Variants in BNC2 observed in about 807,000 individuals in gnomAD.
BNC2 encodes basonuclin zinc finger protein 2, also known as zinc finger protein basonuclin-2.
In BNC2, 20 loss-of-function variants were observed where a neutral mutation model predicts 76.3. That is an observed-to-expected ratio of 0.26 (90% CI 0.18 to 0.38). BNC2 has a LOEUF of 0.38. Among genes scored for constraint, BNC2 ranks in the 10% least tolerant of loss-of-function variants. BNC2 has a pLI of 1.00. For synonymous variants in BNC2, 582 were observed against 514.8 expected (o/e 1.13, Z -1.77); for missense variants, 1,382 against 1,399.8 (o/e 0.99, Z 0.20).
intron 1 of BNC2, among the ~76,000 whole-genome samples, chr9:16,843,157 T>C (rs368988622): frequency 3.9e-5 from 6 of 152,184 alleles, no homozygotes; most frequent in Admixed American, 1.3e-4. Context: ...GATGGAGAGA[T>C]AGATGAATTT....
intron 1 of BNC2, among the ~76,000 whole-genome samples, chr9:16,822,374 G>A (rs1406934470): frequency 6.6e-6 from 1 of 152,084 alleles, no homozygotes; most frequent in Non-Finnish European, 1.5e-5. Flanking sequence ...CAGAAGTTAA[G>A]AGACTTGCCC....
intron 5 of BNC2, among the ~76,000 whole-genome samples, chr9:16,510,193 C>T (rs1822720663): frequency 6.6e-6 from 1 of 152,310 alleles, no homozygotes; most frequent in South Asian, 2.1e-4. Context: ...CCTCAGTGCC[C>T]ACTGTTCTTT....
chr9:16,754,740 T>C (rs1825330338), intron 1 of BNC2, among the ~76,000 whole-genome samples: 1 of 152,066 alleles, frequency 6.6e-6, no homozygotes, highest in African/African-American at 2.4e-5. Context: ...GTAATTTCAG[T>C]AGAGATGGGG....
At chr9:16,765,887 C>T (rs914190477) in intron 1 of BNC2, among the ~76,000 whole-genome samples, 7 of 151,720 alleles carry the variant, frequency 4.6e-5, no homozygotes, top group African/African-American at 4.8e-5. Flanking sequence ...CCCGGGTTCA[C>T]GCCATTCTCC....
intron 3 of BNC2, among the ~76,000 whole-genome samples, chr9:16,694,649 C>T (rs565544526): frequency 2.6e-5 from 4 of 152,154 alleles, no homozygotes; most frequent in East Asian, 3.9e-4. Context: ...TGAATCAACA[C>T]GGTTTTCTTT....
In BNC2 at chr9:16,446,145, C is replaced by T. The variant is rs181868356; in HGVS notation, c.670-8621G>A. ...TACTCATTACACACATGTGCATGTA[C>T]ACAAACACACACAGGAATACAGAAA... On this transcript the variant is annotated intron_variant, in intron 5 of 6. Coordinates refer to ENST00000380672, the MANE Select transcript of BNC2 (RefSeq NM_017637.6). Among the ~76,000 whole-genome samples, 731 of 152,248 alleles carry T rather than the reference C, an allele frequency of 4.8e-3. 6 individuals carry two copies. Among genetic ancestry groups the T allele is most frequent in the African/African-American group, 0.017 (695 of 41,560 alleles).
intron 3 of BNC2, among the ~76,000 whole-genome samples, chr9:16,708,721 G>C (rs539392313): frequency 6.6e-6 from 1 of 152,090 alleles, no homozygotes. Context: ...AGTCAGTAGG[G>C]AAAGGGAGAG....
intron 1 of BNC2, among the ~76,000 whole-genome samples, chr9:16,867,127 AAAC>A (rs959212612): frequency 1.3e-5 from 2 of 152,196 alleles, no homozygotes; most frequent in African/African-American, 2.4e-5. Context: ...TAATGTCAAA[AAAC>A]AACAACATGT....
At chr9:16,507,640 G>C (rs1822660269) in intron 5 of BNC2, among the ~76,000 whole-genome samples, 1 of 152,142 alleles carries the variant, frequency 6.6e-6, no homozygotes, top group Non-Finnish European at 1.5e-5. Flanking sequence ...TGTTGGCCAG[G>C]TTGGTCTTGA....
intron 3 of BNC2, among the ~76,000 whole-genome samples, chr9:16,667,042 T>C (rs886141247): frequency 1.3e-5 from 2 of 151,546 alleles, no homozygotes; most frequent in African/African-American, 4.9e-5. Context: ...AAAAGCTAAA[T>C]ACTAATTTCA....
rs3055158 is a variant in BNC2, at chr9:16,451,062, A to T, written c.670-13538T>A. Among the ~76,000 whole-genome samples the T allele has an allele frequency of 7.8e-3, 261 of 33,610 alleles. No individual in the cohort carries two copies. In the African/African-American group the frequency reaches 0.094, roughly 12 times the overall value. The allele number at this position is 33,610 out of a possible 152,430, so 22.0% of individuals were successfully genotyped here. A position where few individuals can be genotyped will look rare whatever the true frequency, so the allele number is the denominator to read the frequency against. On this transcript the variant is annotated intron_variant, in intron 5 of 6. Coordinates refer to ENST00000380672, the MANE Select transcript of BNC2 (RefSeq NM_017637.6). ...AGTAAAGTGAATTTCTAAATCATTAACTTTATCTTTTAAGGCTGGATTTCG... is the reference window on the plus strand; with the variant it reads ...AGTAAAGTGAATTTCTAAATCATTATCTTTATCTTTTAAGGCTGGATTTCG...
At chr9:16,601,499 G>A (rs1027298208) in intron 3 of BNC2, among the ~76,000 whole-genome samples, 9 of 152,202 alleles carry the variant, frequency 5.9e-5, no homozygotes, top group African/African-American at 1.9e-4. Context: ...TGCAAGAGAA[G>A]TAAGCAGTTT....
intron 3 of BNC2, among the ~76,000 whole-genome samples, chr9:16,618,451 C>T (rs759220880): frequency 5.3e-5 from 8 of 152,124 alleles, no homozygotes; most frequent in Non-Finnish European, 8.8e-5. Flanking sequence ...TCGAGCATGG[C>T]CACGGACTAG....
At chr9:16,591,515 A>C (rs777089130) in intron 3 of BNC2, among the ~76,000 whole-genome samples, 16 of 152,226 alleles carry the variant, frequency 1.1e-4, no homozygotes, top group Non-Finnish European at 2.1e-4. Flanking sequence ...CTATAGTTTT[A>C]GTAAGGTGGG....
intron 1 of BNC2, among the ~76,000 whole-genome samples, chr9:16,865,453 T>C (rs1391085660): frequency 8.5e-5 from 13 of 152,204 alleles, no homozygotes; most frequent in Admixed American, 8.5e-4. Flanking sequence ...CAGCAGTTAC[T>C]AGCAATTTGT....
intron 1 of BNC2, among the ~76,000 whole-genome samples, chr9:16,741,118 A>G (rs4405008): frequency 0.9 from 137,580 of 152,126 alleles, 62,243 homozygotes; most frequent in Non-Finnish European, 0.92. Context: ...TAAGGGAGAC[A>G]TGATAGGAAG....
chr9:16,601,127 T>C (rs976028461), intron 3 of BNC2, among the ~76,000 whole-genome samples: 2 of 152,156 alleles, frequency 1.3e-5, no homozygotes, highest in East Asian at 1.9e-4. Flanking sequence ...ATGTCTCCAC[T>C]TCCTTCAGCA....
chr9:16,673,374 G>C (rs888478240), intron 3 of BNC2, among the ~76,000 whole-genome samples: 1 of 149,250 alleles, frequency 6.7e-6, no homozygotes, highest in African/African-American at 2.5e-5. Context: ...CATTCTTCTA[G>C]GGTGAGTAGA....
chr9:16,539,135 T>C (rs1422627148), intron 5 of BNC2, among the ~76,000 whole-genome samples: 1 of 152,176 alleles, frequency 6.6e-6, no homozygotes, highest in Non-Finnish European at 1.5e-5. Flanking sequence ...TTACTACTTG[T>C]AATATACCAG....
Sources: allele counts gnomAD v4.1 joint callset (sites outside exome capture counted in the v4.1 genomes callset), GRCh38; gene constraint gnomAD v4.1.1; transcripts MANE v1.5; gene names NCBI Gene and HGNC (gene_info 2026-07-23, HGNC 2026-07-21).